Variants in GLCCI1 observed in about 807,000 individuals in gnomAD.
GLCCI1 encodes the protein glucocorticoid induced 1, also known as glucocorticoid-induced transcript 1 protein.
A neutral mutation model predicts 52.2 loss-of-function variants in GLCCI1; 24 were observed. That is an observed-to-expected ratio of 0.46 (90% CI 0.33 to 0.65). GLCCI1 has a LOEUF of 0.65. Ranked by LOEUF, GLCCI1 falls within the 30% of genes least tolerant of loss-of-function variation. GLCCI1 has a pLI of 0.02. For synonymous variants in GLCCI1, 310 were observed against 276.5 expected, an observed-to-expected ratio of 1.12 and a Z score of -1.20; for missense variants, 704 against 701.5, an observed-to-expected ratio of 1.00 and a Z score of -0.04.
intron 7 of GLCCI1, 123 bp downstream of exon 7, chr7:8,085,140 T>C: frequency 9.2e-7 from 1 of 1,092,568 alleles, no homozygotes; most frequent in Non-Finnish European, 1.3e-6. Context: ...GAGCAAATTA[T>C]GTAAAGAGAA....
chr7:7,981,030 G>A (rs1780602790), intron 1 of GLCCI1: 2 of 497,224 alleles, frequency 4.0e-6, no homozygotes, highest in Non-Finnish European at 7.6e-6. Flanking sequence ...AAGAAATAAA[G>A]GCAGAAAAAG....
chr7:7,976,790 G>A (rs1051310896), intron 1 of GLCCI1, among the ~76,000 whole-genome samples: 1 of 151,894 alleles, frequency 6.6e-6, no homozygotes, highest in Non-Finnish European at 1.5e-5. Context: ...GGACACTCCT[G>A]TAGTCCAGCT....
intron 3 of GLCCI1, among the ~76,000 whole-genome samples, chr7:8,043,852 C>T (rs932395689): frequency 3.3e-5 from 5 of 151,362 alleles, no homozygotes; most frequent in Non-Finnish European, 5.9e-5. Context: ...GGGTGAAGAC[C>T]GAACATGAAA....
intron 1 of GLCCI1, among the ~76,000 whole-genome samples, chr7:7,997,074 G>T (rs1353853056): frequency 6.6e-6 from 1 of 152,146 alleles, no homozygotes; most frequent in Non-Finnish European, 1.5e-5. Context: ...GAAGTGCTTA[G>T]ATTATGCTAA....
intron 1 of GLCCI1, among the ~76,000 whole-genome samples, chr7:7,972,866 T>G (rs1780380872): frequency 6.6e-6 from 1 of 152,212 alleles, no homozygotes; most frequent in Non-Finnish European, 1.5e-5. Context: ...AATACGTAAA[T>G]TGCCAAATAC....
chr7:8,013,813 T>C (rs1456942507), intron 2 of GLCCI1, among the ~76,000 whole-genome samples: 1 of 152,206 alleles, frequency 6.6e-6, no homozygotes, highest in Non-Finnish European at 1.5e-5. Context: ...ACTTGACTTT[T>C]CTTGTTTCTA....
rs780472135 is a variant in GLCCI1, at chr7:8,003,880, G to A, written c.458-28G>A. 1.9e-6 allele frequency: 3 copies of A among 1,595,106 alleles called. No individual in the cohort carries two copies. In the South Asian group the frequency reaches 3.4e-5, roughly 18 times the overall value. On this transcript the variant is annotated intron_variant, in intron 1 of 7. Coordinates refer to ENST00000223145, the MANE Select transcript of GLCCI1 (RefSeq NM_138426.4). ...TTTAAATTTTATTTTATTCACTAATGACTAATCTTTTTTTTCACTTTCTGT... is the reference window on the plus strand; with the variant it reads ...TTTAAATTTTATTTTATTCACTAATAACTAATCTTTTTTTTCACTTTCTGT...
At chr7:8,000,226 AC>A (rs1360724672) in intron 1 of GLCCI1, among the ~76,000 whole-genome samples, 2 of 152,212 alleles carry the variant, frequency 1.3e-5, no homozygotes, top group African/African-American at 4.8e-5. Flanking sequence ...TAAACAAATT[AC>A]TATAAATCAG....
chr7:8,050,600 T>C (rs1782234921), intron 3 of GLCCI1, among the ~76,000 whole-genome samples: 1 of 152,218 alleles, frequency 6.6e-6, no homozygotes, highest in Non-Finnish European at 1.5e-5. Flanking sequence ...TCAGAAAAAG[T>C]ACTTGAGTTA....
chr7:8,079,762 T>C (rs968097592), intron 6 of GLCCI1, among the ~76,000 whole-genome samples: 6 of 151,482 alleles, frequency 4.0e-5, no homozygotes, highest in Admixed American at 1.3e-4. Flanking sequence ...ACCTCCTACA[T>C]ATAATAAATA....
chr7:7,982,161 A>G, intron 1 of GLCCI1: 1 of 331,254 alleles, frequency 3.0e-6, no homozygotes. Flanking sequence ...TGAAAGAGAA[A>G]GGAGTAAAAA....
intron 2 of GLCCI1, among the ~76,000 whole-genome samples, chr7:8,020,171 A>C (rs976742039): frequency 6.6e-6 from 1 of 151,964 alleles, no homozygotes; most frequent in African/African-American, 2.4e-5. Flanking sequence ...TTGTTTATTT[A>C]TTTCCTTTTT....
intron 3 of GLCCI1, among the ~76,000 whole-genome samples, chr7:8,027,321 C>T (rs1181051052): frequency 6.6e-6 from 1 of 152,144 alleles, no homozygotes; most frequent in African/African-American, 2.4e-5. Context: ...AACTCTGTCT[C>T]TACTAAAAAT....
chr7:8,064,976 T>C (rs1333359491), intron 5 of GLCCI1, among the ~76,000 whole-genome samples: 2 of 152,040 alleles, frequency 1.3e-5, no homozygotes, highest in African/African-American at 4.8e-5. Flanking sequence ...TCGGCCCCCC[T>C]AAAGTGCTGG....
At chr7:8,040,485 G>A (rs1045940941) in intron 3 of GLCCI1, among the ~76,000 whole-genome samples, 3 of 145,404 alleles carry the variant, frequency 2.1e-5, no homozygotes, top group Non-Finnish European at 4.5e-5. Context: ...GCAAGACCCT[G>A]ACTCAAAAAA....
intron 3 of GLCCI1, among the ~76,000 whole-genome samples, chr7:8,037,805 A>G (rs557380064): frequency 3.9e-5 from 6 of 152,326 alleles, no homozygotes; most frequent in African/African-American, 1.4e-4. Context: ...AGGTCATTAT[A>G]TAATGATAAA....
intron 6 of GLCCI1, among the ~76,000 whole-genome samples, chr7:8,074,621 G>A (rs908552998): frequency 1.4e-4 from 22 of 152,054 alleles, no homozygotes; most frequent in African/African-American, 5.3e-4. Flanking sequence ...GGAGGTGGAG[G>A]TTGCAGCAAG....
intron 3 of GLCCI1, among the ~76,000 whole-genome samples, chr7:8,045,115 A>G (rs1346740195): frequency 6.6e-6 from 1 of 152,224 alleles, no homozygotes; most frequent in Non-Finnish European, 1.5e-5. Context: ...TTAAACACTG[A>G]AACAACTGTG....
At chr7:8,039,045 A>G (rs1218341911) in intron 3 of GLCCI1, among the ~76,000 whole-genome samples, 1 of 152,164 alleles carries the variant, frequency 6.6e-6, no homozygotes, top group Non-Finnish European at 1.5e-5. Flanking sequence ...GAAATGCAAA[A>G]TAAAATCAAA....
Sources: allele counts gnomAD v4.1 joint callset (sites outside exome capture counted in the v4.1 genomes callset), GRCh38; gene constraint gnomAD v4.1.1; transcripts MANE v1.5; gene names NCBI Gene and HGNC (gene_info 2026-07-23, HGNC 2026-07-21).